Variants in USH2A observed in about 807,000 individuals in gnomAD.
USH2A encodes Usher syndrome 2A (autosomal recessive, mild).
In USH2A, 443 loss-of-function variants were observed where a neutral mutation model predicts 538.9. The observed-to-expected ratio is 0.82, with a 90% CI of 0.76 to 0.89. USH2A has a LOEUF of 0.89. Ranked by LOEUF, USH2A falls within the 40% of genes least tolerant of loss-of-function variation. The pLI is 0.00. For missense variants in USH2A, 6,633 were observed against 6,324.8 expected (o/e 1.05, Z -1.65); for synonymous variants, 2,413 against 2,273.5 (o/e 1.06, Z -1.75).
rs1160251474 is a variant in USH2A, at chr1:216,097,228, G to A, written c.4628-15C>T. ...GGCCTTAATGCCTGGTAAGACAAGT[G>A]TGATCAGCAAATCAGTGCTGGGGTT... On this transcript the variant is annotated splice_polypyrimidine_tract_variant and intron_variant, in intron 21 of 71. Coordinates refer to ENST00000307340, the MANE Select transcript of USH2A (RefSeq NM_206933.4). 7 of 1,614,056 alleles carry A rather than the reference G, an allele frequency of 4.3e-6. No individual in the cohort carries two copies. The highest frequency in any genetic ancestry group is 1.1e-5 in the South Asian group (1 of 91,084).
In USH2A at chr1:216,078,365, G is replaced by A. The variant is rs369538212; in HGVS notation, c.5299-3C>T. 2 of 1,612,818 alleles carry A rather than the reference G, an allele frequency of 1.2e-6. No homozygotes were observed. The highest frequency in any genetic ancestry group is 1.1e-5 in the South Asian group (1 of 90,928). ...AATATTCCACTTTTCAGCTCCATCT[G>A]TATTTTATATTAAAAAAGAAAGTAG... On this transcript the variant is annotated splice_region_variant and splice_polypyrimidine_tract_variant and intron_variant, in intron 26 of 71. Transcript: ENST00000307340.
intron 4 of USH2A, among the ~76,000 whole-genome samples, chr1:216,350,156 T>C (rs879298053): frequency 6.6e-6 from 1 of 152,054 alleles, no homozygotes; most frequent in Non-Finnish European, 1.5e-5. Flanking sequence ...TCATTCACTA[T>C]CACAATAAAT....
intron 9 of USH2A, among the ~76,000 whole-genome samples, chr1:216,296,694 A>G (rs2037112512): frequency 6.6e-6 from 1 of 152,076 alleles, no homozygotes; most frequent in African/African-American, 2.4e-5. Context: ...AATAAAAACC[A>G]CTTACAAATA....
rs2031812837 is a variant in USH2A at position 216,078,089 on chromosome 1, C to G, written c.5572G>C (p.Gly1858Arg). The change falls in exon 27 of 72, where the codon GGT becomes CGT. Residue 1858 changes from glycine (G) to arginine (R), a missense_variant and splice_region_variant. By Grantham distance (125) the Gly-to-Arg change is moderately radical. Transcript: ENST00000307340. ...GTGAATTCCTCCAGATGGAACTTAC[C>G]TTGTTCCAAACACAAATGTTGATAA... ...NSYQHLCLEQ[G>R]FGGCMKDVKF... The G allele has an allele frequency of 1.2e-6, 2 of 1,613,524 alleles. No individual in the cohort carries two copies. The highest frequency in any genetic ancestry group is 1.7e-6 in the Non-Finnish European group (2 of 1,179,660).
At chr1:216,149,508 G>A (rs1198176858) in intron 21 of USH2A, among the ~76,000 whole-genome samples, 2 of 152,118 alleles carry the variant, frequency 1.3e-5, no homozygotes, top group Admixed American at 1.3e-4. Flanking sequence ...ACTTAAAAAG[G>A]ATTGGACAGT....
At chr1:215,845,675 C>G in intron 45 of USH2A, 149 bp downstream of exon 45, 3 of 758,132 alleles carry the variant, frequency 4.0e-6, no homozygotes, top group Non-Finnish European at 4.6e-6. Context: ...CTACTGATGA[C>G]AGTGAGCACT....
intron 58 of USH2A, among the ~76,000 whole-genome samples, chr1:215,753,782 G>A (rs951097770): frequency 6.6e-6 from 1 of 151,928 alleles, no homozygotes; most frequent in Non-Finnish European, 1.5e-5. Context: ...TGCACGTTGT[G>A]CACATGTACC....
intron 61 of USH2A, among the ~76,000 whole-genome samples, chr1:215,726,295 T>C (rs960728254): frequency 2.6e-5 from 4 of 152,158 alleles, no homozygotes; most frequent in Non-Finnish European, 5.9e-5. Context: ...GCTTATCATA[T>C]AGGAACTAGA....
chr1:215,674,633 A>G lies in USH2A; in HGVS notation c.13278T>C (p.Asn4426=). 1 of 1,614,172 alleles carries G rather than the reference A, an allele frequency of 6.2e-7. No homozygotes were observed. Among genetic ancestry groups the G allele is most frequent in the Non-Finnish European group, 8.5e-7 (1 of 1,180,034 alleles). ...TTGACACACTAGCTGTGCAACCTCC[A>G]TTCGTGCAGGCTACAAGGGAGAAGT... The part of the protein sequence containing the change: ...QYNFSLVACT[N]GGCTASVSKS... Residue 4426 remains asparagine (N), a synonymous_variant, in exon 63 of 72, where the codon AAT becomes AAC. Transcript: ENST00000307340.
chr1:215,978,425 C>G (rs1209335886), intron 35 of USH2A, among the ~76,000 whole-genome samples: 1 of 152,112 alleles, frequency 6.6e-6, no homozygotes, highest in Non-Finnish European at 1.5e-5. Flanking sequence ...GAATTAAGAA[C>G]TGGTGAACAT....
intron 21 of USH2A, among the ~76,000 whole-genome samples, chr1:216,157,915 C>G (rs1430051471): frequency 2.0e-5 from 3 of 152,072 alleles, no homozygotes; most frequent in Non-Finnish European, 4.4e-5. Flanking sequence ...AGCCAAGTAA[C>G]AAACCCGCAT....
chr1:216,097,031 C>G, intron 22 of USH2A, 52 bp downstream of exon 22: 1 of 1,523,386 alleles, frequency 6.6e-7, no homozygotes, highest in Non-Finnish European at 9.0e-7. Context: ...ACCTCAGTAC[C>G]AGGCACCTAC....
rs17026698 is a variant in USH2A, at chr1:216,393,376, G to A, written c.651+25138C>T. 4.5e-3 allele frequency among the ~76,000 whole-genome samples: 682 copies of A among 152,198 alleles called. 21 individuals are homozygous for A. The East Asian group carries it at 0.057, about 13-fold the overall frequency. ...GAAGTTCCTAAAGTACTAAAATTAC[G>A]TAAAGCAAACATAATTAAATAAGGT... On this transcript the variant is annotated intron_variant, in intron 3 of 71. Transcript: ENST00000307340.
At chr1:216,322,993 T>C (rs2037647130) in intron 8 of USH2A, among the ~76,000 whole-genome samples, 1 of 151,856 alleles carries the variant, frequency 6.6e-6, no homozygotes, top group South Asian at 2.1e-4. Context: ...ATCTTTCCAC[T>C]AAAGAAAAAC....
At chr1:216,064,500 G>GT (rs569843254) in intron 30 of USH2A, among the ~76,000 whole-genome samples, 7,177 of 143,148 alleles carry the variant, frequency 0.05, 258 homozygotes, top group African/African-American at 0.11. Flanking sequence ...GCTAGGGATT[G>GT]TTTTTTTTTT....
chr1:216,018,618 T>C (rs1234132013), intron 32 of USH2A, among the ~76,000 whole-genome samples: 3 of 152,048 alleles, frequency 2.0e-5, no homozygotes, highest in African/African-American at 7.2e-5. Flanking sequence ...AGAGCACACA[T>C]TTACAGGGGG....
At chr1:216,286,723 CTAAATAAATAAA>C (rs145969783) in intron 11 of USH2A, among the ~76,000 whole-genome samples, 9 of 151,118 alleles carry the variant, frequency 6.0e-5, no homozygotes, top group South Asian at 2.1e-4. Flanking sequence ...GACTCTGTCT[CTAAATAAATAAA>C]TAAATAAATA....
chr1:215,782,297 A>G, intron 53 of USH2A, 101 bp from the exon 54 acceptor site: 1 of 1,261,966 alleles, frequency 7.9e-7, no homozygotes, highest in Non-Finnish European at 1.1e-6. Context: ...GCAATACTAT[A>G]GCTTTATTTA....
At chr1:215,928,122 C>T (rs540942910) in intron 38 of USH2A, among the ~76,000 whole-genome samples, 88 of 152,150 alleles carry the variant, frequency 5.8e-4, no homozygotes, top group Admixed American at 1.2e-3. Flanking sequence ...AGTTTCTACT[C>T]TCACAGTTCA....
Sources: gnomAD v4.1 joint callset for allele counts (sites outside exome capture counted in the v4.1 genomes callset) on GRCh38, gnomAD v4.1.1 for gene constraint, MANE v1.5 for transcripts, NCBI Gene and HGNC (gene_info 2026-07-23, HGNC 2026-07-21) for gene names.